The following NFIB variants were observed in gnomAD, a reference collection of about 807,000 sequenced individuals.
NFIB encodes the protein nuclear factor 1 B-type.
Under a neutral mutation model 61.5 loss-of-function variants are expected in NFIB, and 11 were observed. That is an observed-to-expected ratio of 0.18 (90% CI 0.11 to 0.30). The LOEUF is 0.30. NFIB is among the 10% of genes least tolerant of loss of function. NFIB has a pLI of 1.00. For missense variants in NFIB, 471 were observed against 608.9 expected (o/e 0.77, Z 2.38); for synonymous variants, 260 against 216.5 (o/e 1.20, Z -1.76).
the NFIB span, among the ~76,000 whole-genome samples, chr9:14,424,091 G>T: frequency 6.6e-6 from 1 of 152,094 alleles, no homozygotes; most frequent in Non-Finnish European, 1.5e-5. Context: ...CTCTCCAACT[G>T]TCTAACCCCC....
At chr9:14,408,954 G>A in the NFIB span, among the ~76,000 whole-genome samples, 1 of 152,162 alleles carries the variant, frequency 6.6e-6, no homozygotes, top group African/African-American at 2.4e-5. Flanking sequence ...TACATAGCCA[G>A]TAAATGGCAA....
the NFIB span, among the ~76,000 whole-genome samples, chr9:14,451,521 G>A: frequency 6.6e-6 from 1 of 151,964 alleles, no homozygotes; most frequent in African/African-American, 2.4e-5. Flanking sequence ...TAAAAGGTAA[G>A]CACTTAAAAA....
intron 2 of NFIB, among the ~76,000 whole-genome samples, chr9:14,190,211 G>T (rs1161442286): frequency 2.0e-5 from 3 of 152,080 alleles, no homozygotes; most frequent in African/African-American, 7.2e-5. Flanking sequence ...TTAATAACCA[G>T]TCCTTGTTTT....
chr9:14,502,257 C>A, the NFIB span, among the ~76,000 whole-genome samples: 1 of 152,132 alleles, frequency 6.6e-6, no homozygotes, highest in Non-Finnish European at 1.5e-5. Context: ...CTACACATAG[C>A]CTCACATATG....
intron 2 of NFIB, among the ~76,000 whole-genome samples, chr9:14,182,473 C>T (rs926903764): frequency 2.4e-4 from 36 of 152,244 alleles, no homozygotes; most frequent in Admixed American, 6.5e-5. Context: ...CACCTTATAT[C>T]GGTCACTTAA....
chr9:14,480,437 C>G, the NFIB span, among the ~76,000 whole-genome samples: 2 of 152,160 alleles, frequency 1.3e-5, no homozygotes, highest in Non-Finnish European at 2.9e-5. Context: ...TGAGAGATTT[C>G]CTTGATGCTA....
intron 4 of NFIB, among the ~76,000 whole-genome samples, chr9:14,155,194 G>A (rs915484452): frequency 3.9e-5 from 6 of 152,168 alleles, no homozygotes; most frequent in Admixed American, 6.6e-5. Flanking sequence ...ATAAGTAAAA[G>A]AGTTAATCAA....
the NFIB span, among the ~76,000 whole-genome samples, chr9:14,473,626 C>T: frequency 1.3e-5 from 2 of 152,182 alleles, no homozygotes; most frequent in South Asian, 4.1e-4. Flanking sequence ...GGCTATACTG[C>T]CTCTCTCCAA....
rs750338783 is a variant in NFIB, at chr9:14,130,124, A to T, written c.926-4358T>A. On this transcript the variant is annotated intron_variant, in intron 6 of 10. Transcript: ENST00000380953. Reference sequence around the variant, plus strand: ...TCACTTGTACCTGGCTGAACCAAAAATTTTCTTCCTAGTCTCCTCCAGGCC... The same window carrying T: ...TCACTTGTACCTGGCTGAACCAAAATTTTTCTTCCTAGTCTCCTCCAGGCC... Among the ~76,000 whole-genome samples the T allele has an allele frequency of 3.8e-4, 58 of 152,062 alleles. 1 individual carries two copies. The highest frequency in any genetic ancestry group is 8.5e-4 in the Admixed American group (13 of 15,262).
chr9:14,346,265 T>C (rs1173163505), intron 1 of NFIB, among the ~76,000 whole-genome samples: 3 of 144,418 alleles, frequency 2.1e-5, no homozygotes, highest in Non-Finnish European at 4.5e-5. Flanking sequence ...AGATTTCATA[T>C]CCGCAGTCAC....
intron 2 of NFIB, among the ~76,000 whole-genome samples, chr9:14,189,479 TA>T (rs1413822617): frequency 6.6e-6 from 1 of 152,014 alleles, no homozygotes; most frequent in East Asian, 1.9e-4. Flanking sequence ...TTAGAAATAC[TA>T]GGAAAAAAAT....
At chr9:14,449,936 A>G in the NFIB span, among the ~76,000 whole-genome samples, 1 of 152,064 alleles carries the variant, frequency 6.6e-6, no homozygotes, top group Admixed American at 6.5e-5. Flanking sequence ...CTCCATCTTG[A>G]TTAAAAATAA....
At chr9:14,264,150 C>T (rs1049966131) in intron 2 of NFIB, among the ~76,000 whole-genome samples, 12 of 150,766 alleles carry the variant, frequency 8.0e-5, no homozygotes, top group Non-Finnish European at 1.8e-4. Context: ...GTGAATATTA[C>T]AGAAATATAG....
chr9:14,232,321 C>G (rs1355015347), intron 2 of NFIB, among the ~76,000 whole-genome samples: 1 of 152,142 alleles, frequency 6.6e-6, no homozygotes, highest in East Asian at 1.9e-4. Context: ...ATTACGACCC[C>G]GTCACACTGG....
chr9:14,097,640 A>G (rs1041221674), intron 10 of NFIB, among the ~76,000 whole-genome samples: 1 of 152,162 alleles, frequency 6.6e-6, no homozygotes, highest in Non-Finnish European at 1.5e-5. Context: ...ACACACACAT[A>G]TAGATGCATA....
chr9:14,516,669 C>T, the NFIB span, among the ~76,000 whole-genome samples: 68,885 of 152,076 alleles, frequency 0.45, 16,235 homozygotes, highest in Middle Eastern at 0.57. Context: ...AATACTTCCA[C>T]ATTAAATATT....
chr9:14,224,361 A>G (rs1485249893), intron 2 of NFIB, among the ~76,000 whole-genome samples: 4 of 152,228 alleles, frequency 2.6e-5, no homozygotes, highest in African/African-American at 4.8e-5. Flanking sequence ...GCTAAGAACT[A>G]AAGAGAATAT....
the NFIB span, among the ~76,000 whole-genome samples, chr9:14,422,086 G>T: frequency 6.6e-6 from 1 of 152,310 alleles, no homozygotes; most frequent in East Asian, 1.9e-4. Context: ...ACAGGCTAGT[G>T]TTAGCTCAGT....
intron 1 of NFIB, among the ~76,000 whole-genome samples, chr9:14,353,599 G>T (rs550484364): frequency 6.6e-6 from 1 of 152,106 alleles, no homozygotes; most frequent in African/African-American, 2.4e-5. Context: ...TTTTCTTGAC[G>T]GCCCAGTCTG....
Sources: gnomAD v4.1 joint callset for allele counts (sites outside exome capture counted in the v4.1 genomes callset) on GRCh38, gnomAD v4.1.1 for gene constraint, MANE v1.5 for transcripts, NCBI Gene and HGNC (gene_info 2026-07-23, HGNC 2026-07-21) for gene names.